Variants in MET observed in about 807,000 individuals in gnomAD.
MET encodes the protein hepatocyte growth factor receptor.
MET carries 48 observed loss-of-function variants against 133.1 expected under a neutral mutation model. That is an observed-to-expected ratio of 0.36 (90% CI 0.29 to 0.46). The LOEUF is 0.46. Ranked by LOEUF, MET falls within the 20% of genes least tolerant of loss-of-function variation. The pLI, the probability that MET is intolerant of heterozygous loss-of-function variation, is 1.00. For synonymous variants in MET, 628 were observed against 616.5 expected (o/e 1.02, Z -0.28); for missense variants, 1,442 against 1,695.9 (o/e 0.85, Z 2.63).
chr7:116,673,715 C>A (rs1047233791), intron 1 of MET, among the ~76,000 whole-genome samples: 2 of 152,194 alleles, frequency 1.3e-5, no homozygotes, highest in Non-Finnish European at 2.9e-5. Context: ...TGATGTACAT[C>A]ATGTTTCTCT....
At chr7:116,775,771 C>A (rs2117034919) in intron 15 of MET, among the ~76,000 whole-genome samples, 1 of 152,242 alleles carries the variant, frequency 6.6e-6, no homozygotes, top group South Asian at 2.1e-4. Context: ...TTTATTCAAT[C>A]TCTCTCCAGT....
chr7:116,720,695 AG>A (rs1219303467), intron 2 of MET, among the ~76,000 whole-genome samples: 3 of 140,494 alleles, frequency 2.1e-5, no homozygotes, highest in East Asian at 2.0e-4. Context: ...TTTAACATGA[AG>A]GGTTGTTGAA....
intron 10 of MET, among the ~76,000 whole-genome samples, chr7:116,760,102 A>C (rs540940807): frequency 1.3e-5 from 2 of 152,192 alleles, no homozygotes; most frequent in Admixed American, 1.3e-4. Flanking sequence ...ACAGACAGTC[A>C]GTACAAATGG....
chr7:116,759,095 GC>G (rs1456699763), intron 9 of MET, among the ~76,000 whole-genome samples: 1 of 152,112 alleles, frequency 6.6e-6, no homozygotes, highest in Non-Finnish European at 1.5e-5. Context: ...TATCAGTCTA[GC>G]AACAATAGTT....
At chr7:116,767,194 A>G (rs763750999) in intron 11 of MET, among the ~76,000 whole-genome samples, 6 of 152,112 alleles carry the variant, frequency 3.9e-5, no homozygotes, top group Non-Finnish European at 5.9e-5. Context: ...TATTTTTCAG[A>G]TCCTACCCAC....
chr7:116,778,265 T>C (rs1259607542), intron 16 of MET, among the ~76,000 whole-genome samples: 1 of 152,220 alleles, frequency 6.6e-6, no homozygotes, highest in East Asian at 1.9e-4. Context: ...CCATTTCTCA[T>C]TTTCTGCTTG....
intron 2 of MET, among the ~76,000 whole-genome samples, chr7:116,710,193 T>C (rs1486220479): frequency 6.6e-6 from 1 of 152,192 alleles, no homozygotes; most frequent in Non-Finnish European, 1.5e-5. Context: ...TTGATTCAAG[T>C]AGAGTTGGGC....
intron 6 of MET, among the ~76,000 whole-genome samples, chr7:116,755,960 C>T (rs867943410): frequency 2.6e-5 from 4 of 152,188 alleles, no homozygotes; most frequent in Admixed American, 1.3e-4. Flanking sequence ...AGCTGAATCA[C>T]GTGTTTGAGA....
intron 19 of MET, among the ~76,000 whole-genome samples, chr7:116,790,377 A>G (rs1174049713): frequency 6.6e-6 from 1 of 152,174 alleles, no homozygotes; most frequent in African/African-American, 2.4e-5. Flanking sequence ...TCTTTTTAGG[A>G]CCGACTTATT....
chr7:116,764,689 T>C (rs1794553417), intron 11 of MET, among the ~76,000 whole-genome samples: 1 of 152,248 alleles, frequency 6.6e-6, no homozygotes, highest in South Asian at 2.1e-4. Flanking sequence ...AAAACATAAT[T>C]TGGCATCATC....
rs73469170 is a variant in MET at position 116,675,121 on chromosome 7, T to C, written c.-15+2544T>C. Reference sequence around the variant, plus strand: ...TCACTTCTCAGTAATAAATGATAGATACACTGACTAATGTTAGTTCAGAAT... The same window carrying C: ...TCACTTCTCAGTAATAAATGATAGACACACTGACTAATGTTAGTTCAGAAT... On this transcript the variant is annotated intron_variant, in intron 1 of 20. Transcript: ENST00000397752. Among the ~76,000 whole-genome samples, 602 of 152,344 alleles carry C rather than the reference T, an allele frequency of 4.0e-3. 8 individuals carry two copies. Among genetic ancestry groups the C allele is most frequent in the African/African-American group, 0.014 (563 of 41,582 alleles).
At chr7:116,766,645 A>G (rs373603482) in intron 11 of MET, among the ~76,000 whole-genome samples, 65 of 152,162 alleles carry the variant, frequency 4.3e-4, no homozygotes, top group African/African-American at 1.5e-3. Context: ...TATTTGGCCC[A>G]GTGTCGAAAC....
At chr7:116,777,707 A>G (rs1795037470) in intron 16 of MET, among the ~76,000 whole-genome samples, 1 of 152,194 alleles carries the variant, frequency 6.6e-6, no homozygotes, top group South Asian at 2.1e-4. Flanking sequence ...TTCTTGGATG[A>G]ACTGAGTATC....
chr7:116,759,646 G>GA, intron 10 of MET, 156 bp downstream of exon 10: 1 of 834,290 alleles, frequency 1.2e-6, no homozygotes, highest in Non-Finnish European at 2.0e-6. Context: ...TTTAATAACT[G>GA]AAATTATCTA....
At chr7:116,784,059 T>C (rs1205043948) in intron 19 of MET, among the ~76,000 whole-genome samples, 2 of 152,124 alleles carry the variant, frequency 1.3e-5, no homozygotes, top group Non-Finnish European at 2.9e-5. Context: ...AGAAGTGGCA[T>C]TTGAATTGGG....
chr7:116,737,114 G>A (rs1172402433), intron 3 of MET, among the ~76,000 whole-genome samples: 1 of 152,238 alleles, frequency 6.6e-6, no homozygotes. Context: ...CTGTGGTACA[G>A]CCTCTGCGCA....
intron 19 of MET, among the ~76,000 whole-genome samples, chr7:116,785,657 T>G (rs887243379): frequency 1.3e-5 from 2 of 152,094 alleles, no homozygotes; most frequent in Admixed American, 6.6e-5. Context: ...TATCAATCAT[T>G]CTCCAAGACA....
intron 1 of MET, among the ~76,000 whole-genome samples, chr7:116,697,780 T>G (rs904974488): frequency 2.0e-5 from 3 of 152,202 alleles, no homozygotes; most frequent in Non-Finnish European, 2.9e-5. Flanking sequence ...TAATCCTAAG[T>G]ACAGGCTGTG....
At chr7:116,790,428 T>C (rs1340400978) in intron 19 of MET, among the ~76,000 whole-genome samples, 2 of 152,240 alleles carry the variant, frequency 1.3e-5, no homozygotes, top group Middle Eastern at 3.2e-3. Context: ...CATGTTCTAG[T>C]ATATGACAAG....
Sources: gnomAD v4.1 joint callset for allele counts (sites outside exome capture counted in the v4.1 genomes callset) on GRCh38, gnomAD v4.1.1 for gene constraint, MANE v1.5 for transcripts, NCBI Gene and HGNC (gene_info 2026-07-23, HGNC 2026-07-21) for gene names.